SEPTIN9: variants seen among roughly 807,000 people sequenced by gnomAD.
SEPTIN9 encodes septin 9.
In SEPTIN9, 13 loss-of-function variants were observed where a neutral mutation model predicts 56.6. The ratio of observed to expected loss-of-function variants is 0.23; its 90% CI spans 0.15 to 0.37. SEPTIN9 has a LOEUF of 0.37. SEPTIN9 is among the 10% of genes least tolerant of loss of function. The probability of loss-of-function intolerance (pLI) is 1.00; values close to 1 mark genes in which losing one functional copy is unlikely to be tolerated. For synonymous variants in SEPTIN9, 332 were observed against 334.1 expected (o/e 0.99, Z 0.07); for missense variants, 650 against 823.1 (o/e 0.79, Z 2.57).
At chr17:77,407,537 G>A (rs1292314746) in intron 3 of SEPTIN9, among the ~76,000 whole-genome samples, 3 of 148,750 alleles carry the variant, frequency 2.0e-5, no homozygotes, top group African/African-American at 5.2e-5. Context: ...GGGCTCAGTG[G>A]GTGGGTGTTG....
chr17:77,472,658 G>A (rs570152681), intron 3 of SEPTIN9: 11 of 152,240 alleles, frequency 7.2e-5, no homozygotes, highest in African/African-American at 2.4e-4. Flanking sequence ...GCAAATCCGT[G>A]TCTTTCTCTG....
chr17:77,444,110 C>T (rs1357787884), intron 3 of SEPTIN9, among the ~76,000 whole-genome samples: 3 of 152,066 alleles, frequency 2.0e-5, no homozygotes, highest in Non-Finnish European at 4.4e-5. Context: ...GTGGGGTTTG[C>T]GAGACAGTAG....
rs1481784670 is a variant in SEPTIN9, at chr17:77,319,877, G to T, written c.76+12680G>T. 5 of 1,094,552 alleles carry T rather than the reference G, an allele frequency of 4.6e-6. No individual in the cohort carries two copies. The highest frequency in any genetic ancestry group is 5.6e-6 in the Non-Finnish European group (5 of 897,454). 67.8% of individuals were successfully genotyped at this position (1,094,552 alleles called of 1,614,324 possible). On this transcript the variant is annotated intron_variant, in intron 2 of 11. Transcript: ENST00000427177. The surrounding 1 kb of genome is among the most constrained non-coding windows in gnomAD (Gnocchi z 5.3). ...AAAAAGGAGCAGCAAGCCTCGGGGC[G>T]GCGGGGGCTGGAGGAGGTGGAGAGA...
intron 3 of SEPTIN9, among the ~76,000 whole-genome samples, chr17:77,409,611 G>T (rs990418310): frequency 1.3e-5 from 2 of 152,166 alleles, no homozygotes; most frequent in Non-Finnish European, 2.9e-5. Context: ...ATGGAGCCCC[G>T]GCCCCCAGAC....
intron 2 of SEPTIN9, among the ~76,000 whole-genome samples, chr17:77,339,514 ATT>A (rs34622485): frequency 3.1e-3 from 451 of 145,912 alleles, no homozygotes; most frequent in Non-Finnish European, 2.7e-3. Flanking sequence ...GGTCTCAATG[ATT>A]TTTTTTTTTT....
Position 77,402,346 on chromosome 17 carries a change from G to A in SEPTIN9, c.364G>A (p.Ala122Thr), listed in dbSNP as rs776112941. 9 of 1,612,486 alleles carry A rather than the reference G, an allele frequency of 5.6e-6. No homozygotes were observed. The highest frequency in any genetic ancestry group is 2.2e-5 in the East Asian group (1 of 44,866). The change falls in exon 3 of 12, where the codon GCC (alanine) becomes ACC (threonine). Residue 122 changes from alanine (A) to threonine (T), a missense_variant. Physicochemically the swap from Ala to Thr is moderately conservative, Grantham distance 58 (BLOSUM62 0). Coordinates refer to ENST00000427177, the MANE Select transcript of SEPTIN9 (RefSeq NM_001113491.2). This position sits in a 1 kb window ranked among gnomAD's most constrained non-coding sequence, Gnocchi z 6.6. ...CATCTCGTCCAAGCAGGTGGAGAAC[G>A]CCGGGGCCATCGGCCCGTCCCGGTT... ...IDISSKQVEN[A>T]GAIGPSRFGL...
intron 2 of SEPTIN9, among the ~76,000 whole-genome samples, chr17:77,355,208 G>C (rs896144599): frequency 6.6e-6 from 1 of 152,148 alleles, no homozygotes; most frequent in Admixed American, 6.6e-5. Flanking sequence ...CCGTGGCCCA[G>C]CATCTCCCTT....
intron 3 of SEPTIN9, among the ~76,000 whole-genome samples, chr17:77,424,757 C>T (rs1354135217): frequency 3.9e-5 from 6 of 152,296 alleles, no homozygotes; most frequent in South Asian, 2.1e-4. Flanking sequence ...TGTCCTGCCT[C>T]GGAGGGTTTT....
chr17:77,389,004 C>T lies in SEPTIN9; in HGVS notation c.77-13055C>T, dbSNP rs929079561. ...TGTCCGGGAGGCTGGACCCTCACAC[C>T]GATGCTGCCTGTGCCTGGCAGCTCT... On this transcript the variant is annotated intron_variant, in intron 2 of 11. Coordinates refer to ENST00000427177, the MANE Select transcript of SEPTIN9 (RefSeq NM_001113491.2). This position sits in a 1 kb window ranked among gnomAD's most constrained non-coding sequence, Gnocchi z 4.3. Among the ~76,000 whole-genome samples the T allele has an allele frequency of 1.3e-5, 2 of 151,906 alleles. No homozygotes were observed. The highest frequency in any genetic ancestry group is 4.8e-5 in the African/African-American group (2 of 41,338).
chr17:77,388,064 T>C (rs2035402002), intron 2 of SEPTIN9, among the ~76,000 whole-genome samples: 1 of 152,164 alleles, frequency 6.6e-6, no homozygotes, highest in African/African-American at 2.4e-5. Flanking sequence ...ACCGTGAGGC[T>C]TCTGGGCAGA....
rs979440363 is a variant in SEPTIN9, at chr17:77,402,565, C to T, written c.583C>T (p.Pro195Ser). 4.3e-6 allele frequency: 7 copies of T among 1,610,868 alleles called. No individual in the cohort carries two copies. The highest frequency in any genetic ancestry group is 1.7e-5 in the Admixed American group (1 of 59,578). Reference sequence around the variant, plus strand: ...GAGGGTGGAGATCCAGATGCCCAAGCCTGCTGAGGCGCCCACCGCCCCCAG... The same window carrying T: ...GAGGGTGGAGATCCAGATGCCCAAGTCTGCTGAGGCGCCCACCGCCCCCAG... ...PKRVEIQMPK[P>S]AEAPTAPSPA... is the part of the protein sequence containing the mutation. The change falls in exon 3 of 12, where the codon CCT (proline) becomes TCT (serine). Residue 195 changes from proline to serine, a missense_variant. Pro to Ser is a moderately conservative substitution (Grantham distance 74). This residue lies in a region of SEPTIN9 where 317 missense variants were observed against 329.1 expected (regional missense o/e 0.96). Coordinates refer to ENST00000427177, the MANE Select transcript of SEPTIN9 (RefSeq NM_001113491.2). This position sits in a 1 kb window ranked among gnomAD's most constrained non-coding sequence, Gnocchi z 6.6.
At chr17:77,388,810 C>CTTTTTTTTTTTTTTT (rs5822196) in intron 2 of SEPTIN9, among the ~76,000 whole-genome samples, 79 of 78,060 alleles carry the variant, frequency 1.0e-3, no homozygotes, top group African/African-American at 1.8e-3. Flanking sequence ...GTGTTAGGCG[C>CTTTTTTTTTTTTTTT]TTTTTTTTTT....
chr17:77,380,616 G>A (rs557485046), intron 2 of SEPTIN9, among the ~76,000 whole-genome samples: 13 of 152,290 alleles, frequency 8.5e-5, no homozygotes, highest in South Asian at 6.2e-4. Context: ...GGGCGATGGA[G>A]CCTTGCAGAC....
intron 3 of SEPTIN9, chr17:77,428,953 C>T (rs1484806274): frequency 2.2e-6 from 1 of 453,308 alleles, no homozygotes; most frequent in Non-Finnish European, 4.7e-6. Context: ...GCAGACATGT[C>T]ACAGCCCTGG....
At chr17:77,438,490 C>A (rs956446291) in intron 3 of SEPTIN9, among the ~76,000 whole-genome samples, 1 of 152,154 alleles carries the variant, frequency 6.6e-6, no homozygotes, top group Non-Finnish European at 1.5e-5. Flanking sequence ...ATCAGCTGGT[C>A]TTAAAATAGG....
intron 1 of SEPTIN9, among the ~76,000 whole-genome samples, chr17:77,299,127 C>G (rs961350190): frequency 6.6e-6 from 1 of 152,240 alleles, no homozygotes; most frequent in Non-Finnish European, 1.5e-5. Flanking sequence ...AAGGGCAGTC[C>G]TGTCCAAGGC....
In SEPTIN9 at chr17:77,400,745, A is replaced by ACTGTGGGTCTCCACAGGGGTGCG. The variant is rs1306962620; in HGVS notation, c.77-1303_77-1281dup. The ACTGTGGGTCTCCACAGGGGTGCG allele has an allele frequency of 6.6e-6, 1 of 152,446 alleles. No homozygotes were observed. Among genetic ancestry groups the ACTGTGGGTCTCCACAGGGGTGCG allele is most frequent in the African/African-American group, 2.4e-5 (1 of 41,390 alleles). 9.4% of individuals were successfully genotyped at this position (152,446 alleles called of 1,614,324 possible). On this transcript the variant is annotated intron_variant, in intron 2 of 11. Transcript: ENST00000427177. This position sits in a 1 kb window ranked among gnomAD's most constrained non-coding sequence, Gnocchi z 4.1. ...TGAGGCAGGGAGCGGCTGGGGAGACACTGTGGGTCTCCACAGGGGTGCGCT... is the reference window on the plus strand; with the variant it reads ...TGAGGCAGGGAGCGGCTGGGGAGACACTGTGGGTCTCCACAGGGGTGCGCTGTGGGTCTCCACAGGGGTGCGCT...
chr17:77,429,756 G>A lies in SEPTIN9; in HGVS notation c.721+27053G>A, dbSNP rs552451097. On this transcript the variant is annotated intron_variant, in intron 3 of 11. Transcript: ENST00000427177. This position sits in a 1 kb window ranked among gnomAD's most constrained non-coding sequence, Gnocchi z 5.2. ...AGCATCCTGAGCTGCGGGGACCCAG[G>A]GGGTCTTAGAGACCTCAGAGCTGAG... Among the ~76,000 whole-genome samples the A allele has an allele frequency of 3.0e-4, 46 of 152,238 alleles. No homozygotes were observed. Among genetic ancestry groups the A allele is most frequent in the Non-Finnish European group, 6.3e-4 (43 of 68,012 alleles).
rs2037202081 is a variant in SEPTIN9, at chr17:77,433,005, C to T, written c.721+30302C>T. Among the ~76,000 whole-genome samples the T allele has an allele frequency of 6.6e-6, 1 of 152,146 alleles. No individual in the cohort carries two copies. Among genetic ancestry groups the T allele is most frequent in the Admixed American group, 6.5e-5 (1 of 15,284 alleles). On this transcript the variant is annotated intron_variant, in intron 3 of 11. Coordinates refer to ENST00000427177, the MANE Select transcript of SEPTIN9 (RefSeq NM_001113491.2). This position sits in a 1 kb window ranked among gnomAD's most constrained non-coding sequence, Gnocchi z 6.4. ...TTGGAGTCAGAGAATCCCCTGTCGC[C>T]GTGGCGGGGCTGTTCCCTCCTGCCC...
Sources: gnomAD v4.1 joint callset for allele counts (sites outside exome capture counted in the v4.1 genomes callset) on GRCh38, gnomAD v4.1.1 for gene constraint, gnomAD v4.1.1 regional missense constraint, Gnocchi (gnomAD v3.1) non-coding constraint, MANE v1.5 for transcripts, NCBI Gene and HGNC (gene_info 2026-07-23, HGNC 2026-07-21) for gene names.